UBE2D3: variants seen among roughly 807,000 people sequenced by gnomAD.
The protein encoded by UBE2D3 is ubiquitin-conjugating enzyme E2 D3.
Under a neutral mutation model 22.8 loss-of-function variants are expected in UBE2D3, and 2 were observed. The observed-to-expected ratio is 0.09, with a 90% CI of 0.04 to 0.28. The LOEUF (loss-of-function observed/expected upper bound fraction) is 0.28, where lower values mean the gene tolerates loss of function less well. UBE2D3 is among the 10% of genes least tolerant of loss of function. The pLI is 1.00. For missense variants in UBE2D3, 27 were observed against 182.5 expected, an observed-to-expected ratio of 0.15 and a Z score of 4.91; for synonymous variants, 56 against 60.4, an observed-to-expected ratio of 0.93 and a Z score of 0.34.
In UBE2D3 at chr4:102,796,102, A is replaced by G. The variant is rs866109702; in HGVS notation, c.*1313T>C. ...AATGGATACTCAATATCCCACATAG[A>G]TAAGTCACTTCAACACAGCCTCATG... On this transcript the variant is annotated 3_prime_UTR_variant, in exon 8 of 8. Coordinates refer to ENST00000453744, the MANE Select transcript of UBE2D3 (RefSeq NM_181891.3). The G allele has an allele frequency of 3.3e-5, 5 of 152,458 alleles. No individual in the cohort carries two copies. The highest frequency in any genetic ancestry group is 4.8e-5 in the African/African-American group (2 of 41,448). 9.4% of individuals were successfully genotyped at this position (152,458 alleles called of 1,614,324 possible). A position where few individuals can be genotyped will look rare whatever the true frequency, so the allele number is the denominator to read the frequency against.
chr4:102,844,015 T>G (rs1052756248), intron 1 of UBE2D3: 1 of 152,182 alleles, frequency 6.6e-6, no homozygotes, highest in African/African-American at 2.4e-5. Context: ...ACATGGGTAT[T>G]AATTTCTTCC....
At chr4:102,835,632 A>T (rs1033657671) in intron 1 of UBE2D3, among the ~76,000 whole-genome samples, 1 of 152,252 alleles carries the variant, frequency 6.6e-6, no homozygotes, top group Non-Finnish European at 1.5e-5. Context: ...GAAAGGAACT[A>T]TGTTGTCTAG....
Position 102,795,168 on chromosome 4 carries a change from G to A in UBE2D3, c.*2247C>T, listed in dbSNP as rs564435421. On this transcript the variant is annotated 3_prime_UTR_variant, in exon 8 of 8. Coordinates refer to ENST00000453744, the MANE Select transcript of UBE2D3 (RefSeq NM_181891.3). ...AATGAAATGATGTATAAAGCATCAA[G>A]TCAAAGATACAGAGAACTGGACACA... 2 of 152,112 alleles carry A rather than the reference G, an allele frequency of 1.3e-5. No homozygotes were observed. The highest frequency in any genetic ancestry group is 4.8e-5 in the African/African-American group (2 of 41,540). 9.4% of individuals were successfully genotyped at this position (152,112 alleles called of 1,614,324 possible). A position where few individuals can be genotyped will look rare whatever the true frequency, so the allele number is the denominator to read the frequency against.
At chr4:102,842,606 G>T (rs1731817626) in intron 1 of UBE2D3, among the ~76,000 whole-genome samples, 1 of 151,504 alleles carries the variant, frequency 6.6e-6, no homozygotes, top group Non-Finnish European at 1.5e-5. Flanking sequence ...CAGTGGTTTT[G>T]ATCATACTTC....
rs1726338943 is a variant in UBE2D3, at chr4:102,802,549, G to GA, written c.198+11dup. ...AAATCTATACTAACAGATTTTGAGG[G>GA]AAAATACTTGCCTTAGGTGGTTTGA... On this transcript the variant is annotated intron_variant, in intron 5 of 7. Coordinates refer to ENST00000453744, the MANE Select transcript of UBE2D3 (RefSeq NM_181891.3). 6.3e-7 allele frequency: 1 copy of GA among 1,592,212 alleles called. No individual in the cohort carries two copies. Among genetic ancestry groups the GA allele is most frequent in the Non-Finnish European group, 8.6e-7 (1 of 1,168,568 alleles).
At chr4:102,865,957 G>A (rs1048762813) in intron 1 of UBE2D3, among the ~76,000 whole-genome samples, 1 of 152,104 alleles carries the variant, frequency 6.6e-6, no homozygotes, top group Non-Finnish European at 1.5e-5. Flanking sequence ...AAACACTATC[G>A]CATAAGGTGG....
At chr4:102,837,264 T>A (rs1191008379) in intron 1 of UBE2D3, among the ~76,000 whole-genome samples, 6 of 152,206 alleles carry the variant, frequency 3.9e-5, no homozygotes, top group Non-Finnish European at 7.3e-5. Context: ...AGGCTGATTG[T>A]TAAACACAGC....
rs147790132 is a variant in UBE2D3 at position 102,801,187 on chromosome 4, C to T, written c.304+267G>A. On this transcript the variant is annotated intron_variant, in intron 6 of 7. Coordinates refer to ENST00000453744, the MANE Select transcript of UBE2D3 (RefSeq NM_181891.3). Reference sequence around the variant, plus strand: ...GTTTGGGATTGAAAAATACAGAAGTCTATTAAAATAAATTTTGCTATTATA... The same window carrying T: ...GTTTGGGATTGAAAAATACAGAAGTTTATTAAAATAAATTTTGCTATTATA... Among the ~76,000 whole-genome samples, 207 of 152,016 alleles carry T rather than the reference C, an allele frequency of 1.4e-3. No homozygotes were observed. In the Middle Eastern group the frequency reaches 0.017, roughly 12 times the overall value.
chr4:102,840,773 C>A (rs1731706382), intron 1 of UBE2D3, among the ~76,000 whole-genome samples: 1 of 152,124 alleles, frequency 6.6e-6, no homozygotes, highest in South Asian at 2.1e-4. Flanking sequence ...GTGATGGATA[C>A]CCCAGTCAAG....
In UBE2D3 at chr4:102,803,404, C is replaced by T. The variant is rs112790613; in HGVS notation, c.121-766G>A. Among the ~76,000 whole-genome samples, 1,041 of 152,318 alleles carry T rather than the reference C, an allele frequency of 6.8e-3. 11 individuals carry two copies. Among genetic ancestry groups the T allele is most frequent in the Middle Eastern group, 0.014 (4 of 294 alleles). Reference sequence around the variant, plus strand: ...AACTGGGTTTTTACCAACACTGACTCCCCTCTATTAGAAAGGCTTTGTATA... The same window carrying T: ...AACTGGGTTTTTACCAACACTGACTTCCCTCTATTAGAAAGGCTTTGTATA... On this transcript the variant is annotated intron_variant, in intron 4 of 7. Transcript: ENST00000453744.
rs994773284 is a variant in UBE2D3, at chr4:102,796,077, A to C, written c.*1338T>G. On this transcript the variant is annotated 3_prime_UTR_variant, in exon 8 of 8. Transcript: ENST00000453744. The stretch of plus-strand genomic sequence containing the variant: ...GTAAATGGCTGAACAAATCCATTTC[A>C]ATGGATACTCAATATCCCACATAGA... 2.0e-5 allele frequency: 3 copies of C among 152,490 alleles called. No homozygotes were observed. Among genetic ancestry groups the C allele is most frequent in the African/African-American group, 7.2e-5 (3 of 41,444 alleles). 9.4% of individuals were successfully genotyped at this position (152,490 alleles called of 1,614,324 possible).
chr4:102,797,150 ATT>A lies in UBE2D3; in HGVS notation c.*263_*264del. 10 of 312,278 alleles carry A rather than the reference ATT, an allele frequency of 3.2e-5. No homozygotes were observed. Among genetic ancestry groups the A allele is most frequent in the East Asian group, 5.5e-5 (1 of 18,200 alleles). The allele number at this position is 312,278 out of a possible 1,614,324, so 19.3% of individuals were successfully genotyped here. A position where few individuals can be genotyped will look rare whatever the true frequency, so the allele number is the denominator to read the frequency against. On this transcript the variant is annotated 3_prime_UTR_variant, in exon 8 of 8. Coordinates refer to ENST00000453744, the MANE Select transcript of UBE2D3 (RefSeq NM_181891.3). ...ATTGGCCACATAATACACATGCTCC[ATT>A]TTTTTTTTTAAAAATTCTGAGTCTT... is the stretch of plus-strand genomic sequence containing the variant.
intron 2 of UBE2D3, chr4:102,811,951 T>C: frequency 4.7e-6 from 1 of 211,734 alleles, no homozygotes; most frequent in Non-Finnish European, 9.8e-6. Flanking sequence ...TCTTTTGGTC[T>C]ACTAGAACAA....
At chr4:102,836,111 C>CACCAGTCA (rs1407780603) in intron 1 of UBE2D3, among the ~76,000 whole-genome samples, 1 of 149,864 alleles carries the variant, frequency 6.7e-6, no homozygotes, top group African/African-American at 2.5e-5. Context: ...TTTATCCATT[C>CACCAGTCA]ACCAGTCAGT....
At chr4:102,826,940 G>C in intron 1 of UBE2D3, 1 of 1,007,370 alleles carries the variant, frequency 9.9e-7, no homozygotes, top group Non-Finnish European at 1.2e-6. Flanking sequence ...AGGAGCCGGG[G>C]CCTAGTCGGC....
intron 1 of UBE2D3, among the ~76,000 whole-genome samples, chr4:102,853,606 A>G (rs1467130667): frequency 6.6e-6 from 1 of 152,180 alleles, no homozygotes; most frequent in East Asian, 1.9e-4. Flanking sequence ...TTTAAAATGG[A>G]GAATAATATA....
chr4:102,829,217 C>T (rs539143897), upstream of UBE2D3, among the ~76,000 whole-genome samples: 3 of 152,224 alleles, frequency 2.0e-5, no homozygotes, highest in African/African-American at 7.2e-5. Context: ...CTAACTAGCT[C>T]CCAGGTGATA....
chr4:102,819,287 G>A (rs1310811864), intron 2 of UBE2D3, among the ~76,000 whole-genome samples: 3 of 147,608 alleles, frequency 2.0e-5, no homozygotes, highest in South Asian at 2.1e-4. Context: ...CCGCAGTTGC[G>A]CCACTGCACT....
At chr4:102,797,844 C>T (rs1243159812) in intron 7 of UBE2D3, among the ~76,000 whole-genome samples, 1 of 151,792 alleles carries the variant, frequency 6.6e-6, no homozygotes, top group Non-Finnish European at 1.5e-5. Flanking sequence ...CAGAAATTTC[C>T]ACCAAGGCCA....
Sources: allele counts gnomAD v4.1 joint callset (sites outside exome capture counted in the v4.1 genomes callset), GRCh38; gene constraint gnomAD v4.1.1; transcripts MANE v1.5; gene names NCBI Gene and HGNC (gene_info 2026-07-23, HGNC 2026-07-21).